NUFIP2: variants seen among roughly 807,000 people sequenced by gnomAD.
NUFIP2 encodes the protein FMR1-interacting protein NUFIP2.
In NUFIP2, 6 loss-of-function variants were observed where a neutral mutation model predicts 56.9. The ratio of observed to expected loss-of-function variants is 0.11; its 90% CI spans 0.06 to 0.21. NUFIP2 has a LOEUF of 0.21. NUFIP2 is among the 10% of genes least tolerant of loss of function. The pLI, the probability that NUFIP2 is intolerant of heterozygous loss-of-function variation, is 1.00. For missense variants in NUFIP2, 828 were observed against 826.8 expected (o/e 1.00, Z -0.02); for synonymous variants, 321 against 298.2 (o/e 1.08, Z -0.79).
Position 29,274,246 on chromosome 17 carries a change from G to A in NUFIP2, c.2003-6716C>T, listed in dbSNP as rs141233205. On this transcript the variant is annotated intron_variant, in intron 2 of 3. Coordinates refer to ENST00000225388, the MANE Select transcript of NUFIP2 (RefSeq NM_020772.3). The stretch of plus-strand genomic sequence containing the variant: ...CACCTGTAATTGCAGCACTCTGGGA[G>A]GCAGAGGTGGGAGGATCACTTGAGA... Among the ~76,000 whole-genome samples the A allele has an allele frequency of 2.0e-5, 3 of 152,348 alleles. No homozygotes were observed. The East Asian group carries it at 5.8e-4, about 29-fold the overall frequency.
Position 29,262,269 on chromosome 17 carries a change from A to G in NUFIP2, c.*2270T>C, listed in dbSNP as rs1197104015. ...GGACTAGAGAGGGGAATCTGGCCCT[A>G]AGGCGACAAGTGGTTACACAAGGCA... On this transcript the variant is annotated 3_prime_UTR_variant, in exon 4 of 4. Transcript: ENST00000225388. The G allele has an allele frequency of 3.9e-5, 6 of 152,626 alleles. No homozygotes were observed. Among genetic ancestry groups the G allele is most frequent in the African/African-American group, 9.6e-5 (4 of 41,460 alleles). 9.5% of individuals were successfully genotyped at this position (152,626 alleles called of 1,614,324 possible).
intron 2 of NUFIP2, among the ~76,000 whole-genome samples, chr17:29,283,680 T>C (rs979350900): frequency 1.3e-5 from 2 of 152,168 alleles, no homozygotes; most frequent in Non-Finnish European, 2.9e-5. Flanking sequence ...TCGGTAAACA[T>C]TTTCCAGTAA....
chr17:29,265,431 T>C (rs1291443039), intron 3 of NUFIP2, among the ~76,000 whole-genome samples: 1 of 145,894 alleles, frequency 6.9e-6, no homozygotes, highest in Non-Finnish European at 1.5e-5. Flanking sequence ...GCCTCCCGAG[T>C]AGCTGGGACT....
chr17:29,278,434 G>A (rs984883676), intron 2 of NUFIP2, among the ~76,000 whole-genome samples: 1 of 152,040 alleles, frequency 6.6e-6, no homozygotes, highest in South Asian at 2.1e-4. Flanking sequence ...TTTTAGTAGA[G>A]ACGGGGTTTC....
chr17:29,275,339 A>C, intron 2 of NUFIP2, among the ~76,000 whole-genome samples: 1 of 152,118 alleles, frequency 6.6e-6, no homozygotes, highest in East Asian at 1.9e-4. Flanking sequence ...AGAAGTCTTA[A>C]GCCTAGTATA....
chr17:29,259,045 A>C lies in NUFIP2; in HGVS notation c.*5494T>G, dbSNP rs1242997038. On this transcript the variant is annotated 3_prime_UTR_variant, in exon 4 of 4. Transcript: ENST00000225388. ...TTACATATTAAAACCACTTTTGTTA[A>C]CACCAAATCTTTACATCTAGCAAAA... is the stretch of plus-strand genomic sequence containing the variant. The C allele has an allele frequency of 6.6e-6, 1 of 152,232 alleles. No homozygotes were observed. The highest frequency in any genetic ancestry group is 1.5e-5 in the Non-Finnish European group (1 of 68,040). 9.4% of individuals were successfully genotyped at this position (152,232 alleles called of 1,614,324 possible). A position where few individuals can be genotyped will look rare whatever the true frequency, so the allele number is the denominator to read the frequency against.
intron 1 of NUFIP2, among the ~76,000 whole-genome samples, chr17:29,293,025 G>A (rs1277638085): frequency 1.3e-5 from 2 of 151,476 alleles, no homozygotes; most frequent in Non-Finnish European, 1.5e-5. Context: ...TCCTCAGTGG[G>A]CCGGAGTCGG....
intron 3 of NUFIP2, among the ~76,000 whole-genome samples, chr17:29,264,803 G>A (rs1344647994): frequency 6.6e-6 from 1 of 152,112 alleles, no homozygotes; most frequent in Non-Finnish European, 1.5e-5. Flanking sequence ...TCCAAGTACA[G>A]GGTCCTCTAG....
At position 29,286,887 on chromosome 17, in the gene NUFIP2, A is replaced by G; in HGVS notation, c.1107T>C (p.Thr369=). 1 of 1,614,154 alleles carries G rather than the reference A, an allele frequency of 6.2e-7. No homozygotes were observed. Among genetic ancestry groups the G allele is most frequent in the Non-Finnish European group, 8.5e-7 (1 of 1,180,022 alleles). The change falls in exon 2 of 4, where the codon ACT becomes ACC. Residue 369 remains threonine, a synonymous_variant. Transcript: ENST00000225388. ...ASKVKENLNK[T]IQNSSVSPTS... ...TTGGTGACACAGAAGAGTTCTGTAT[A>G]GTTTTGTTGAGGTTTTCCTTAACTT...
intron 1 of NUFIP2, among the ~76,000 whole-genome samples, chr17:29,288,008 CAG>C (rs2069188575): frequency 6.6e-6 from 1 of 152,164 alleles, no homozygotes; most frequent in African/African-American, 2.4e-5. Flanking sequence ...TCTCATCTAA[CAG>C]AATCAATCTA....
chr17:29,278,565 G>C (rs2069122131), intron 2 of NUFIP2, among the ~76,000 whole-genome samples: 1 of 151,418 alleles, frequency 6.6e-6, no homozygotes, highest in Admixed American at 6.6e-5. Context: ...GCTTTATAAG[G>C]GTAAAAGTTG....
chr17:29,287,845 A>T, intron 1 of NUFIP2, 129 bp from the exon 2 acceptor site: 2 of 943,076 alleles, frequency 2.1e-6, no homozygotes, highest in Non-Finnish European at 1.5e-6. Flanking sequence ...ATATTATTTC[A>T]CATCTCTATG....
At chr17:29,268,879 C>G (rs1350439350) in intron 2 of NUFIP2, among the ~76,000 whole-genome samples, 1 of 152,170 alleles carries the variant, frequency 6.6e-6, no homozygotes, top group Non-Finnish European at 1.5e-5. Flanking sequence ...CAATCCACAT[C>G]TATTATTAAT....
chr17:29,270,324 G>GAAAA (rs386385865), intron 2 of NUFIP2, among the ~76,000 whole-genome samples: 1,692 of 81,338 alleles, frequency 0.021, 53 homozygotes, highest in African/African-American at 0.064. Flanking sequence ...CTAACCTGGA[G>GAAAA]AAAAAAAAAA....
intron 1 of NUFIP2, 25 bp downstream of exon 1, chr17:29,293,758 C>CAA: frequency 6.6e-6 from 6 of 912,536 alleles, no homozygotes; most frequent in Non-Finnish European, 9.9e-6. Context: ...CAACCCCCTT[C>CAA]CCCCACCCGT....
At chr17:29,266,332 C>T (rs962637168) in intron 3 of NUFIP2, among the ~76,000 whole-genome samples, 5 of 151,870 alleles carry the variant, frequency 3.3e-5, no homozygotes, top group South Asian at 2.1e-4. Flanking sequence ...AAAGTAACTC[C>T]GGAAGAAAGA....
rs982945429 is a variant in NUFIP2 at position 29,259,599 on chromosome 17, G to T, written c.*4940C>A. 1.4e-5 allele frequency: 2 copies of T among 145,076 alleles called. No homozygotes were observed. The highest frequency in any genetic ancestry group is 6.9e-5 in the Admixed American group (1 of 14,460). 9.0% of individuals were successfully genotyped at this position (145,076 alleles called of 1,614,324 possible). ...TCAAAAAAAAAAAGGTGGGGGGGGG[G>T]GGGATACTGCAGTATTATAAAATGG... On this transcript the variant is annotated 3_prime_UTR_variant, in exon 4 of 4. Transcript: ENST00000225388.
chr17:29,290,278 C>G (rs2069203050), intron 1 of NUFIP2, among the ~76,000 whole-genome samples: 1 of 152,040 alleles, frequency 6.6e-6, no homozygotes, highest in South Asian at 2.1e-4. Context: ...GATAGCCAAT[C>G]AAATCAAATT....
At chr17:29,274,351 T>TG (rs2069094608) in intron 2 of NUFIP2, among the ~76,000 whole-genome samples, 1 of 152,136 alleles carries the variant, frequency 6.6e-6, no homozygotes, top group Non-Finnish European at 1.5e-5. Flanking sequence ...CACATGCCTG[T>TG]AGTCTCAGCT....
Sources: allele counts gnomAD v4.1 joint callset (sites outside exome capture counted in the v4.1 genomes callset), GRCh38; gene constraint gnomAD v4.1.1; transcripts MANE v1.5; gene names NCBI Gene and HGNC (gene_info 2026-07-23, HGNC 2026-07-21).